The following ZNF320 variants were observed in gnomAD, a reference collection of about 807,000 sequenced individuals.
ZNF320 encodes zinc finger gene 320.
In ZNF320, 2 loss-of-function variants were observed where a neutral mutation model predicts 6.8. The ratio of observed to expected loss-of-function variants is 0.29; its 90% CI spans 0.12 to 0.93. ZNF320 has a LOEUF of 0.93. Among genes scored for constraint, ZNF320 ranks in the 40% least tolerant of loss-of-function variants. The pLI is 0.55. For missense variants in ZNF320, 472 were observed against 611.0 expected (o/e 0.77, Z 2.40); for synonymous variants, 208 against 203.2 (o/e 1.02, Z -0.20).
intron 2 of ZNF320, among the ~76,000 whole-genome samples, chr19:52,892,737 G>A (rs11084203): frequency 1.3e-4 from 19 of 150,954 alleles, no homozygotes; most frequent in Admixed American, 7.3e-4. Context: ...CTGTTAAATT[G>A]TCTCTTCCTT....
At chr19:52,900,196 C>A (rs550123262), upstream of ZNF320, among the ~76,000 whole-genome samples, 32 of 152,268 alleles carry the variant, frequency 2.1e-4, no homozygotes, top group South Asian at 6.4e-3. Context: ...CCTCAACAGT[C>A]TGCAACTTTG....
intron 5 of ZNF320, among the ~76,000 whole-genome samples, chr19:52,868,027 G>T (rs1035241708): frequency 1.3e-5 from 2 of 148,760 alleles, no homozygotes; most frequent in Non-Finnish European, 3.0e-5. Flanking sequence ...TTAGAGGTGT[G>T]AGCCACCATG....
chr19:52,865,518 T>G (rs1158437116), intron 5 of ZNF320: 1 of 138,456 alleles, frequency 7.2e-6, no homozygotes, highest in Non-Finnish European at 1.5e-5. Flanking sequence ...ATTTATATAT[T>G]ATACATATAT....
intron 5 of ZNF320, among the ~76,000 whole-genome samples, chr19:52,865,810 T>C (rs2063549108): frequency 8.1e-6 from 1 of 124,138 alleles, no homozygotes; most frequent in Non-Finnish European, 1.6e-5. Flanking sequence ...TATTTATATA[T>C]ATGATTATAC....
chr19:52,890,320 A>C lies in ZNF320; in HGVS notation c.-65T>G, dbSNP rs1454568614. 6.3e-7 allele frequency: 1 copy of C among 1,574,974 alleles called. No homozygotes were observed. Among genetic ancestry groups the C allele is most frequent in the African/African-American group, 1.4e-5 (1 of 73,498 alleles). On this transcript the variant is annotated 5_prime_UTR_variant, in exon 4 of 6. Transcript: ENST00000682928. ...TTCCTCAGGTACCAAGAGTCTTTAG[A>C]AGTCAATCCTAAATGTTAGAAATAT... is the stretch of plus-strand genomic sequence containing the variant.
At position 52,876,223 on chromosome 19, in the gene ZNF320, T is replaced by C. The variant is rs1204850365; in HGVS notation, c.*4373A>G. ...ATGTTAGCATAAAGAAAAAGTTCCT[T>C]GATATCTTTATCAAGTACACATCGA... is the stretch of plus-strand genomic sequence containing the variant. On this transcript the variant is annotated 3_prime_UTR_variant, in exon 6 of 6. Transcript: ENST00000682928. The C allele has an allele frequency of 6.6e-6, 1 of 152,210 alleles. No individual in the cohort carries two copies. The highest frequency in any genetic ancestry group is 1.5e-5 in the Non-Finnish European group (1 of 68,050). 9.4% of individuals were successfully genotyped at this position (152,210 alleles called of 1,614,324 possible).
upstream of ZNF320, among the ~76,000 whole-genome samples, chr19:52,899,998 T>G (rs537584977): frequency 1.9e-3 from 289 of 152,300 alleles, 1 homozygote; most frequent in African/African-American, 6.6e-3. Flanking sequence ...GCTTCGTTTT[T>G]CACAGGAAGC....
At position 52,883,677 on chromosome 19, in the gene ZNF320, A is replaced by G. The variant is rs1332292330; in HGVS notation, c.143-1694T>C. The G allele has an allele frequency of 6.7e-6, 3 of 449,994 alleles. No homozygotes were observed. The Admixed American group carries it at 7.2e-5, about 11-fold the overall frequency. The allele number at this position is 449,994 out of a possible 1,614,324, so 27.9% of individuals were successfully genotyped here. A position where few individuals can be genotyped will look rare whatever the true frequency, so the allele number is the denominator to read the frequency against. On this transcript the variant is annotated intron_variant, in intron 5 of 5. Transcript: ENST00000682928. Reference sequence around the variant, plus strand: ...CATTTTGGTAGGCTGAGTCGGGTGGATCATGAGGTCAGGAGTTTGAGACCA... The same window carrying G: ...CATTTTGGTAGGCTGAGTCGGGTGGGTCATGAGGTCAGGAGTTTGAGACCA...
At position 52,877,761 on chromosome 19, in the gene ZNF320, C is replaced by T. The variant is rs943510598; in HGVS notation, c.*2835G>A. The T allele has an allele frequency of 6.6e-6, 1 of 152,138 alleles. No individual in the cohort carries two copies. The highest frequency in any genetic ancestry group is 2.4e-5 in the African/African-American group (1 of 41,422). 9.4% of individuals were successfully genotyped at this position (152,138 alleles called of 1,614,324 possible). A position where few individuals can be genotyped will look rare whatever the true frequency, so the allele number is the denominator to read the frequency against. On this transcript the variant is annotated 3_prime_UTR_variant, in exon 6 of 6. Transcript: ENST00000682928. ...GTAATTTTTATTTTCCTTTCACAAGCTTGTGACAGCCATAATGCTTTGACA... is the reference window on the plus strand; with the variant it reads ...GTAATTTTTATTTTCCTTTCACAAGTTTGTGACAGCCATAATGCTTTGACA...
intron 5 of ZNF320, among the ~76,000 whole-genome samples, chr19:52,867,556 T>C (rs2063599265): frequency 6.6e-6 from 1 of 152,148 alleles, no homozygotes; most frequent in Non-Finnish European, 1.5e-5. Flanking sequence ...TTGAGATAAT[T>C]TGGTCATGGG....
Position 52,880,647 on chromosome 19 carries a change from T to C in ZNF320, c.1479A>G (p.Gly493=), listed in dbSNP as rs867472984. 3 of 1,613,350 alleles carry C rather than the reference T, an allele frequency of 1.9e-6. No individual in the cohort carries two copies. In the Middle Eastern group the frequency reaches 5.0e-4, roughly 267 times the overall value. The change falls in exon 6 of 6, where the codon GGA becomes GGG. Residue 493 remains glycine, a synonymous_variant. Transcript: ENST00000682928. ...LLAEHQKIPF[G]DNCFKCNEYS... is the part of the protein sequence containing the mutation. ...ACTCATTGCACTTGAAACAATTGTC[T>C]CCAAAAGGAATTTTCTGATGTTCTG...
At chr19:52,902,597 T>C (rs997878579), upstream of ZNF320, among the ~76,000 whole-genome samples, 1 of 152,264 alleles carries the variant, frequency 6.6e-6, no homozygotes, top group African/African-American at 2.4e-5. Context: ...CACCGATTTT[T>C]ATTAGTTTTT....
Position 52,880,617 on chromosome 19 carries a change from G to A in ZNF320, c.1509C>T (p.Ser503=). 6.2e-7 allele frequency: 1 copy of A among 1,609,878 alleles called. No homozygotes were observed. Among genetic ancestry groups the A allele is most frequent in the Non-Finnish European group, 8.5e-7 (1 of 1,178,080 alleles). The part of the protein sequence containing the change: ...GDNCFKCNEY[S]KPSSIN ...GATGTCAATTAATGCTTGATGGTTT[G>A]CTATACTCATTGCACTTGAAACAAT... The change falls in exon 6 of 6, where the codon AGC becomes AGT. Residue 503 remains serine (S), a synonymous_variant. Coordinates refer to ENST00000682928, the MANE Select transcript of ZNF320 (RefSeq NM_001351774.2).
intron 1 of ZNF320, among the ~76,000 whole-genome samples, chr19:52,896,099 C>T (rs1036765246): frequency 2.0e-5 from 3 of 152,020 alleles, no homozygotes; most frequent in Non-Finnish European, 4.4e-5. Context: ...AAGTAGTTAT[C>T]TTACTTTTTT....
Position 52,876,335 on chromosome 19 carries a change from A to C in ZNF320, c.*4261T>G, listed in dbSNP as rs2063766120. 6.6e-6 allele frequency: 1 copy of C among 152,210 alleles called. No homozygotes were observed. Among genetic ancestry groups the C allele is most frequent in the Admixed American group, 6.5e-5 (1 of 15,284 alleles). The allele number at this position is 152,210 out of a possible 1,614,324, so 9.4% of individuals were successfully genotyped here. Reference sequence around the variant, plus strand: ...AAGCATGCAGTCCTCAATGTAAACTAAACACAATAAATTTCAGAGAAAAAC... The same window carrying C: ...AAGCATGCAGTCCTCAATGTAAACTCAACACAATAAATTTCAGAGAAAAAC... On this transcript the variant is annotated 3_prime_UTR_variant, in exon 6 of 6. Transcript: ENST00000682928.
chr19:52,882,341 A>G (rs2063947819), intron 5 of ZNF320, among the ~76,000 whole-genome samples: 1 of 152,244 alleles, frequency 6.6e-6, no homozygotes, highest in Non-Finnish European at 1.5e-5. Flanking sequence ...TTCTTCATAT[A>G]TACAGTATAT....
rs2063766345 is a variant in ZNF320, at chr19:52,876,340, C to T, written c.*4256G>A. 6.6e-6 allele frequency: 1 copy of T among 152,038 alleles called. No homozygotes were observed. Among genetic ancestry groups the T allele is most frequent in the Admixed American group, 6.6e-5 (1 of 15,262 alleles). 9.4% of individuals were successfully genotyped at this position (152,038 alleles called of 1,614,324 possible). Reference sequence around the variant, plus strand: ...TGCAGTCCTCAATGTAAACTAAACACAATAAATTTCAGAGAAAAACAATTT... The same window carrying T: ...TGCAGTCCTCAATGTAAACTAAACATAATAAATTTCAGAGAAAAACAATTT... On this transcript the variant is annotated 3_prime_UTR_variant, in exon 6 of 6. Transcript: ENST00000682928.
At chr19:52,903,831 C>A in the ZNF320 span, among the ~76,000 whole-genome samples, 37 of 151,990 alleles carry the variant, frequency 2.4e-4, no homozygotes, top group African/African-American at 6.5e-4. Context: ...AATTCAAAAT[C>A]TGAGTACTAA....
chr19:52,866,259 G>T (rs984640500), intron 5 of ZNF320, among the ~76,000 whole-genome samples: 1 of 146,774 alleles, frequency 6.8e-6, no homozygotes, highest in African/African-American at 2.5e-5. Context: ...AAATCATAAG[G>T]CTGGATGCAG....
Sources: gnomAD v4.1 joint callset for allele counts (sites outside exome capture counted in the v4.1 genomes callset) on GRCh38, gnomAD v4.1.1 for gene constraint, MANE v1.5 for transcripts, NCBI Gene and HGNC (gene_info 2026-07-23, HGNC 2026-07-21) for gene names.